Variants in NKAIN1 observed in about 807,000 individuals in gnomAD.
NKAIN1 encodes sodium/potassium-transporting ATPase subunit beta-1-interacting protein 1.
Under a neutral mutation model 31.6 loss-of-function variants are expected in NKAIN1, and 13 were observed. The ratio of observed to expected loss-of-function variants is 0.41; its 90% CI spans 0.27 to 0.65. The LOEUF is 0.65. Among genes scored for constraint, NKAIN1 ranks in the 30% least tolerant of loss-of-function variants. The probability of loss-of-function intolerance (pLI) is 0.30; values close to 1 mark genes in which losing one functional copy is unlikely to be tolerated. For missense variants in NKAIN1, 193 were observed against 262.2 expected (o/e 0.74, Z 1.82); for synonymous variants, 104 against 109.0 (o/e 0.95, Z 0.28).
At chr1:31,231,567 G>A (rs1020697462) in intron 1 of NKAIN1, among the ~76,000 whole-genome samples, 2 of 152,076 alleles carry the variant, frequency 1.3e-5, no homozygotes, top group African/African-American at 4.8e-5. Context: ...GTCTCGCTCT[G>A]TCACCCAGGC....
chr1:31,194,634 C>T (rs1490586665), intron 1 of NKAIN1, among the ~76,000 whole-genome samples: 1 of 151,550 alleles, frequency 6.6e-6, no homozygotes, highest in Non-Finnish European at 1.5e-5. Flanking sequence ...CTCAAACTCC[C>T]GACCTCAGGT....
At chr1:31,236,494 C>G (rs1407269048) in intron 1 of NKAIN1, among the ~76,000 whole-genome samples, 1 of 152,200 alleles carries the variant, frequency 6.6e-6, no homozygotes, top group Admixed American at 6.5e-5. Context: ...CTTCTCCCCT[C>G]AGGCTGGTGA....
chr1:31,217,547 C>A (rs1557659741), intron 1 of NKAIN1, among the ~76,000 whole-genome samples: 1 of 152,222 alleles, frequency 6.6e-6, no homozygotes, highest in African/African-American at 2.4e-5. Context: ...CACCCGGAAA[C>A]ATCAAGACCA....
At chr1:31,215,132 T>C (rs1645501190) in intron 1 of NKAIN1, among the ~76,000 whole-genome samples, 1 of 152,116 alleles carries the variant, frequency 6.6e-6, no homozygotes, top group African/African-American at 2.4e-5. Context: ...GTACTGATTC[T>C]CCCAGGAAGG....
At chr1:31,230,806 C>T (rs937427021) in intron 1 of NKAIN1, among the ~76,000 whole-genome samples, 2 of 151,550 alleles carry the variant, frequency 1.3e-5, no homozygotes, top group Non-Finnish European at 2.9e-5. Context: ...ACTGTGCAAT[C>T]GTCACATCAG....
chr1:31,186,738 GA>G (rs1645247342), intron 2 of NKAIN1, among the ~76,000 whole-genome samples: 1 of 152,184 alleles, frequency 6.6e-6, no homozygotes, highest in Non-Finnish European at 1.5e-5. Flanking sequence ...GTACTTGAAT[GA>G]CACAGGTCAA....
chr1:31,211,173 A>T (rs1645466073), intron 1 of NKAIN1, among the ~76,000 whole-genome samples: 1 of 152,258 alleles, frequency 6.6e-6, no homozygotes, highest in South Asian at 2.1e-4. Flanking sequence ...TAGGCAAGAA[A>T]AAGAAATCAA....
intron 1 of NKAIN1, among the ~76,000 whole-genome samples, chr1:31,223,642 C>T (rs900957087): frequency 6.6e-6 from 1 of 152,092 alleles, no homozygotes; most frequent in African/African-American, 2.4e-5. Flanking sequence ...GACGGGGTTT[C>T]ACCGTGTTAG....
At chr1:31,226,611 G>A (rs564146576) in intron 1 of NKAIN1, among the ~76,000 whole-genome samples, 2 of 149,150 alleles carry the variant, frequency 1.3e-5, no homozygotes, top group Admixed American at 6.8e-5. Context: ...TGCAACCTCC[G>A]CCTCCCGGGT....
intron 1 of NKAIN1, among the ~76,000 whole-genome samples, chr1:31,211,722 G>A (rs536557025): frequency 6.6e-6 from 1 of 152,116 alleles, no homozygotes; most frequent in South Asian, 2.1e-4. Flanking sequence ...GCCAAGGGGG[G>A]TGGATTGCTT....
At chr1:31,208,559 C>A (rs1360693552) in intron 1 of NKAIN1, among the ~76,000 whole-genome samples, 3 of 151,816 alleles carry the variant, frequency 2.0e-5, no homozygotes, top group African/African-American at 4.8e-5. Flanking sequence ...GGGTGGGGAT[C>A]CCAGACACAG....
chr1:31,221,341 C>T (rs999032886), intron 1 of NKAIN1, among the ~76,000 whole-genome samples: 2 of 152,194 alleles, frequency 1.3e-5, no homozygotes, highest in Non-Finnish European at 2.9e-5. Context: ...GGACTAGCAG[C>T]ATCAGCATCA....
chr1:31,220,695 C>T (rs994389129), intron 1 of NKAIN1, among the ~76,000 whole-genome samples: 6 of 128,492 alleles, frequency 4.7e-5, no homozygotes, highest in East Asian at 5.1e-4. Context: ...GTGGAGGTTG[C>T]GGTGAGCCAA....
rs1557664534 is a variant in NKAIN1 at position 31,232,461 on chromosome 1, A to AGAGAGAGAGAGG, written c.54+7032_54+7033insCCTCTCTCTCTC. 3.8e-4 allele frequency among the ~76,000 whole-genome samples: 47 copies of AGAGAGAGAGAGG among 124,372 alleles called. 1 individual carries two copies. Among genetic ancestry groups the AGAGAGAGAGAGG allele is most frequent in the African/African-American group, 1.4e-3 (46 of 32,130 alleles). 81.6% of individuals were successfully genotyped at this position (124,372 alleles called of 152,430 possible). On this transcript the variant is annotated intron_variant, in intron 1 of 6. Coordinates refer to ENST00000373736, the MANE Select transcript of NKAIN1 (RefSeq NM_024522.3). ...GAGAGAGAGAGAGAGAGAGAGAGAG[A>AGAGAGAGAGAGG]GAGAGAGAGAGTGGGGGAGGTCTCA... is the stretch of plus-strand genomic sequence containing the variant.
At chr1:31,194,708 G>GTCCTC in intron 1 of NKAIN1, among the ~76,000 whole-genome samples, 1 of 143,954 alleles carries the variant, frequency 6.9e-6, no homozygotes, top group African/African-American at 2.6e-5. Flanking sequence ...CACCTGGCCT[G>GTCCTC]CTTTCTTTTT....
chr1:31,205,300 TTTTG>T (rs200219178), intron 1 of NKAIN1, among the ~76,000 whole-genome samples: 2 of 151,338 alleles, frequency 1.3e-5, no homozygotes, highest in African/African-American at 4.9e-5. Context: ...CCAGCTAATT[TTTTG>T]TTTGTTTGTT....
In NKAIN1 at chr1:31,237,624, C is replaced by T. The variant is rs750754053; in HGVS notation, c.54+1870G>A. Among the ~76,000 whole-genome samples, 67 of 151,892 alleles carry T rather than the reference C, an allele frequency of 4.4e-4. 1 individual carries two copies. Among genetic ancestry groups the T allele is most frequent in the South Asian group, 2.1e-4 (1 of 4,804 alleles). Reference sequence around the variant, plus strand: ...AAGTGATTCTCATGTCTCAGCCTCTCGAGTAGCTGGGATTACAGATGCGTG... The same window carrying T: ...AAGTGATTCTCATGTCTCAGCCTCTTGAGTAGCTGGGATTACAGATGCGTG... On this transcript the variant is annotated intron_variant, in intron 1 of 6. Transcript: ENST00000373736.
intron 1 of NKAIN1, among the ~76,000 whole-genome samples, chr1:31,230,680 C>G (rs1461127074): frequency 6.6e-6 from 1 of 152,136 alleles, no homozygotes. Context: ...AGCTCTCCCC[C>G]CATGGCCTGG....
chr1:31,183,713 G>A (rs765185304), intron 4 of NKAIN1, 104 bp downstream of exon 4: 2 of 1,227,708 alleles, frequency 1.6e-6, no homozygotes, highest in Non-Finnish European at 2.3e-6. Flanking sequence ...CTCCCAAAGT[G>A]CTGGGATTGC....
Sources: gnomAD v4.1 joint callset for allele counts (sites outside exome capture counted in the v4.1 genomes callset) on GRCh38, gnomAD v4.1.1 for gene constraint, MANE v1.5 for transcripts, NCBI Gene and HGNC (gene_info 2026-07-23, HGNC 2026-07-21) for gene names.